Variants in CLPP observed in about 807,000 individuals in gnomAD.
CLPP encodes ATP-dependent Clp protease proteolytic subunit, mitochondrial.
A neutral mutation model predicts 27.4 loss-of-function variants in CLPP; 14 were observed. That is an observed-to-expected ratio of 0.51 (90% CI 0.34 to 0.80). CLPP has a LOEUF of 0.80. Among genes scored for constraint, CLPP ranks in the 30% least tolerant of loss-of-function variants. CLPP has a pLI of 0.02. For missense variants in CLPP, 361 were observed against 403.6 expected, an observed-to-expected ratio of 0.89 and a Z score of 0.90; for synonymous variants, 193 against 166.6, an observed-to-expected ratio of 1.16 and a Z score of -1.22.
Position 6,369,861 on chromosome 19 carries a change from G to A in CLPP, c.*1151G>A, listed in dbSNP as rs1455652062. ...AGGCCTGACATCTAAAAGGAGGGAT[G>A]TGAACCATGGAGGGTTTTGAGAAGA... is the stretch of plus-strand genomic sequence containing the variant. On this transcript the variant is annotated 3_prime_UTR_variant, in exon 6 of 6. Coordinates refer to ENST00000245816, the MANE Select transcript of CLPP (RefSeq NM_006012.4). Among the ~76,000 whole-genome samples the A allele has an allele frequency of 6.6e-6, 1 of 152,200 alleles. No homozygotes were observed. The highest frequency in any genetic ancestry group is 1.5e-5 in the Non-Finnish European group (1 of 68,036).
Position 6,369,762 on chromosome 19 carries a change from T to A in CLPP, c.*1052T>A, listed in dbSNP as rs1306037963. On this transcript the variant is annotated 3_prime_UTR_variant, in exon 6 of 6. Transcript: ENST00000245816. ...GTGAGCCAAGATCACGCCACTGCAC[T>A]CCAGCCTGGGCAACAAAGCGAGATT... Among the ~76,000 whole-genome samples, 2 of 151,170 alleles carry A rather than the reference T, an allele frequency of 1.3e-5. No individual in the cohort carries two copies. Among genetic ancestry groups the A allele is most frequent in the African/African-American group, 4.9e-5 (2 of 41,068 alleles).
Position 6,366,340 on chromosome 19 carries a change from CCAAA to C in CLPP, c.641_644del (p.Lys214ArgfsTer5). On this transcript the variant is annotated frameshift_variant, in exon 5 of 6. Transcript: ENST00000245816. LOFTEE classifies it high-confidence loss of function. ...CTCTATAACATCTACGCCAAGCACA[CCAAA>C]CAGAGCCTGCAGGTGATCGGTAAGC... The C allele has an allele frequency of 6.2e-7, 1 of 1,611,970 alleles. No homozygotes were observed. Among genetic ancestry groups the C allele is most frequent in the Non-Finnish European group, 8.5e-7 (1 of 1,178,884 alleles).
rs1392547841 is a variant in CLPP, at chr19:6,369,312, A to G, written c.*602A>G. On this transcript the variant is annotated 3_prime_UTR_variant, in exon 6 of 6. Transcript: ENST00000245816. The stretch of plus-strand genomic sequence containing the variant: ...GCACCTGTAATCCCAGCTACTCCGG[A>G]GGCTGAGGCAGAAGAATTGCTTGAA... Among the ~76,000 whole-genome samples the G allele has an allele frequency of 1.3e-5, 2 of 151,742 alleles. No homozygotes were observed. The highest frequency in any genetic ancestry group is 4.8e-5 in the African/African-American group (2 of 41,278).
intron 5 of CLPP, among the ~76,000 whole-genome samples, chr19:6,368,320 C>T (rs1398551870): frequency 6.6e-6 from 1 of 152,090 alleles, no homozygotes; most frequent in Non-Finnish European, 1.5e-5. Context: ...GGTGTCTCCT[C>T]TTATAAGGCC....
chr19:6,362,620 A>G, intron 3 of CLPP, 78 bp downstream of exon 3: 1 of 994,564 alleles, frequency 1.0e-6, no homozygotes. Context: ...ATCCCGGGTC[A>G]GGGATGTTCT....
Position 6,362,478 on chromosome 19 carries a change from A to C in CLPP, c.303A>C (p.Ala101=). The C allele has an allele frequency of 6.2e-7, 1 of 1,613,828 alleles. No homozygotes were observed. Among genetic ancestry groups the C allele is most frequent in the Non-Finnish European group, 8.5e-7 (1 of 1,179,884 alleles). ...ACAGCGTTGCCAGCCTTGTTATCGC[A>C]CAGCTCCTCTTCCTGCAATCCGAGA... The part of the protein sequence containing the change: ...IDDSVASLVI[A]QLLFLQSESN... Residue 101 remains alanine, a synonymous_variant, in exon 3 of 6, where the codon GCA becomes GCC. Transcript: ENST00000245816.
rs1214584209 is a variant in CLPP at position 6,369,425 on chromosome 19, AAAAAC to A, written c.*720_*724del. ...GCAAGGCTCTGTCTCAAAAAAAAAA[AAAAAC>A]AAAAACAGGAAAGGTGGCATGCAAG... is the stretch of plus-strand genomic sequence containing the variant. On this transcript the variant is annotated 3_prime_UTR_variant, in exon 6 of 6. Transcript: ENST00000245816. Among the ~76,000 whole-genome samples, 372 of 151,812 alleles carry A rather than the reference AAAAAC, an allele frequency of 2.5e-3. 2 individuals carry two copies. The highest frequency in any genetic ancestry group is 8.3e-3 in the African/African-American group (343 of 41,358).
chr19:6,366,206 G>A, intron 4 of CLPP, 52 bp from the exon 5 acceptor site: 1 of 1,306,538 alleles, frequency 7.7e-7, no homozygotes. Flanking sequence ...CCCTGTGAGG[G>A]GCTGACGCCG....
At chr19:6,365,975 C>CA (rs1275430586) in intron 4 of CLPP, among the ~76,000 whole-genome samples, 7 of 150,734 alleles carry the variant, frequency 4.6e-5, no homozygotes, top group East Asian at 1.9e-4. Context: ...AAAAAACAAA[C>CA]AAAAAAAAGG....
chr19:6,366,840 A>G (rs1279273939), intron 5 of CLPP, among the ~76,000 whole-genome samples: 4 of 151,792 alleles, frequency 2.6e-5, no homozygotes, highest in South Asian at 2.1e-4. Flanking sequence ...CATGTTGCCC[A>G]GGCTGGTCTC....
intron 2 of CLPP, 180 bp downstream of exon 2, chr19:6,362,120 C>G (rs1317904885): frequency 1.6e-6 from 1 of 618,770 alleles, no homozygotes; most frequent in African/African-American, 1.9e-5. Flanking sequence ...CTCACCCCTT[C>G]TCTGCTCCTC....
intron 3 of CLPP, among the ~76,000 whole-genome samples, chr19:6,364,235 T>C (rs2091850440): frequency 6.6e-6 from 1 of 152,004 alleles, no homozygotes; most frequent in South Asian, 2.1e-4. Context: ...TTTCACTGTG[T>C]TAGCCAGGAT....
In CLPP at chr19:6,361,644, C is replaced by T. The variant is rs758983284; in HGVS notation, c.70C>T (p.Leu24Phe). Residue 24 changes from leucine (L) to phenylalanine (F), a missense_variant, in exon 1 of 6, where the codon CTC becomes TTC. Transcript: ENST00000245816. Reference protein sequence around the residue: ...SCRYPALGPRLAAHFPAQRPP... With the variant: ...SCRYPALGPRFAAHFPAQRPP... ...CAGGTACCCCGCGCTGGGGCCTCGC[C>T]TCGCCGCTCACTTTCCAGCGCAGCG... The T allele has an allele frequency of 1.6e-5, 23 of 1,427,320 alleles. No homozygotes were observed. In the African/African-American group the frequency reaches 2.1e-4, roughly 13 times the overall value. The allele number at this position is 1,427,320 out of a possible 1,614,324, so 88.4% of individuals were successfully genotyped here.
In CLPP at chr19:6,361,992, A is replaced by G. The variant is rs747876110; in HGVS notation, c.270+52A>G. 9 of 1,526,720 alleles carry G rather than the reference A, an allele frequency of 5.9e-6. No homozygotes were observed. The African/African-American group carries it at 1.2e-4, about 21-fold the overall frequency. The allele number at this position is 1,526,720 out of a possible 1,614,324, so 94.6% of individuals were successfully genotyped here. ...CCAGGACTCTCCCAAGCGCCTGCCG[A>G]CACTCCCTGCGCCCCTCCTTCCCTG... On this transcript the variant is annotated intron_variant, in intron 2 of 5. Coordinates refer to ENST00000245816, the MANE Select transcript of CLPP (RefSeq NM_006012.4).
intron 2 of CLPP, chr19:6,362,193 G>C (rs1358963903): frequency 6.7e-6 from 4 of 600,898 alleles, no homozygotes; most frequent in South Asian, 2.0e-5. Flanking sequence ...CTACGCTCAA[G>C]ACTCTCCCCA....
rs1243000851 is a variant in CLPP at position 6,361,568 on chromosome 19, C to G, written c.-7C>G. On this transcript the variant is annotated 5_prime_UTR_variant, in exon 1 of 6. Transcript: ENST00000245816. The stretch of plus-strand genomic sequence containing the variant: ...TCGGACGGAAGCCGACCGGGGCGTG[C>G]GGAGGGATGTGGCCCGGAATATTGG... 7.2e-7 allele frequency: 1 copy of G among 1,395,740 alleles called. No homozygotes were observed. The highest frequency in any genetic ancestry group is 9.3e-7 in the Non-Finnish European group (1 of 1,071,246). 86.5% of individuals were successfully genotyped at this position (1,395,740 alleles called of 1,614,324 possible).
chr19:6,368,662 GC>G lies in CLPP; in HGVS notation c.788del (p.Pro263LeufsTer2). 2 of 1,590,656 alleles carry G rather than the reference GC, an allele frequency of 1.3e-6. No homozygotes were observed. Among genetic ancestry groups the G allele is most frequent in the Non-Finnish European group, 1.7e-6 (2 of 1,168,682 alleles). On this transcript the variant is annotated frameshift_variant, in exon 6 of 6. Coordinates refer to ENST00000245816, the MANE Select transcript of CLPP (RefSeq NM_006012.4). LOFTEE classifies it low-confidence loss of function (END_TRUNC). ...ATGAGCCCACGCTGGTGCAGAAGGA[GC>G]CTGTAGAAGCAGCGCCGGCAGCAGA... ...EDEPTLVQKE[P>X]VEAAPAAEPV...
chr19:6,364,205 T>C (rs1289956878), intron 3 of CLPP, among the ~76,000 whole-genome samples: 1 of 151,900 alleles, frequency 6.6e-6, no homozygotes, highest in Non-Finnish European at 1.5e-5. Context: ...TAATTTTTTG[T>C]ATATTTAGTA....
At chr19:6,367,337 T>C (rs1007130048) in intron 5 of CLPP, among the ~76,000 whole-genome samples, 4 of 139,380 alleles carry the variant, frequency 2.9e-5, no homozygotes, top group Admixed American at 7.8e-5. Flanking sequence ...ATTGCACCAC[T>C]GCACTCCAGC....
Sources: gnomAD v4.1 joint callset for allele counts (sites outside exome capture counted in the v4.1 genomes callset) on GRCh38, gnomAD v4.1.1 for gene constraint, MANE v1.5 for transcripts, NCBI Gene and HGNC (gene_info 2026-07-23, HGNC 2026-07-21) for gene names.